ATP13A4: variants seen among roughly 807,000 people sequenced by gnomAD.
ATP13A4 encodes the protein probable cation-transporting ATPase 13A4.
In ATP13A4, 114 loss-of-function variants were observed where a neutral mutation model predicts 142.5. That is an observed-to-expected ratio of 0.80 (90% CI 0.69 to 0.93). The LOEUF is 0.93. Among genes scored for constraint, ATP13A4 ranks in the 40% least tolerant of loss-of-function variants. The pLI, the probability that ATP13A4 is intolerant of heterozygous loss-of-function variation, is 0.00. For missense variants in ATP13A4, 1,392 were observed against 1,454.0 expected (o/e 0.96, Z 0.69); for synonymous variants, 488 against 514.8 (o/e 0.95, Z 0.70).
At chr3:193,544,063 G>A (rs1373887070) in intron 1 of ATP13A4, among the ~76,000 whole-genome samples, 3 of 152,144 alleles carry the variant, frequency 2.0e-5, no homozygotes, top group African/African-American at 7.2e-5. Context: ...TGGCAGCATA[G>A]GTCTGAAGGA....
chr3:193,497,912 G>A (rs1173770086), intron 3 of ATP13A4, among the ~76,000 whole-genome samples: 1 of 152,138 alleles, frequency 6.6e-6, no homozygotes, highest in Non-Finnish European at 1.5e-5. Context: ...CCGAGGTTGG[G>A]GGGAATAGCA....
At chr3:193,459,735 G>C (rs569252585) in intron 13 of ATP13A4, among the ~76,000 whole-genome samples, 1 of 152,138 alleles carries the variant, frequency 6.6e-6, no homozygotes, top group Non-Finnish European at 1.5e-5. Flanking sequence ...CACTGTGCCC[G>C]GCTAAAAACA....
At chr3:193,529,335 A>C (rs546387561) in intron 1 of ATP13A4, among the ~76,000 whole-genome samples, 4 of 152,140 alleles carry the variant, frequency 2.6e-5, no homozygotes, top group South Asian at 4.1e-4. Flanking sequence ...TAGTGTGTTC[A>C]ACTTATAATT....
chr3:193,481,265 C>T (rs765465788), intron 8 of ATP13A4, among the ~76,000 whole-genome samples: 18 of 151,968 alleles, frequency 1.2e-4, no homozygotes, highest in Non-Finnish European at 2.1e-4. Flanking sequence ...AATTTTTAAC[C>T]AGGAAAAAAA....
At chr3:193,591,130 C>T (rs1265957805) in intron 1 of ATP13A4, among the ~76,000 whole-genome samples, 1 of 152,228 alleles carries the variant, frequency 6.6e-6, no homozygotes, top group Admixed American at 6.5e-5. Context: ...GTGGCACAAT[C>T]TCAGCTCACT....
At chr3:193,563,031 T>C (rs1049347269) in intron 2 of ATP13A4, among the ~76,000 whole-genome samples, 8 of 152,196 alleles carry the variant, frequency 5.3e-5, no homozygotes, top group African/African-American at 1.9e-4. Context: ...TACGGTATTG[T>C]TGGAAGAACA....
At chr3:193,585,050 G>A (rs1020216260) in intron 1 of ATP13A4, among the ~76,000 whole-genome samples, 15 of 152,164 alleles carry the variant, frequency 9.9e-5, no homozygotes, top group African/African-American at 3.6e-4. Flanking sequence ...CAGCCTGCAG[G>A]CTGCATGCGG....
intron 8 of ATP13A4, among the ~76,000 whole-genome samples, chr3:193,474,651 GAAAGAAAGAAAGAAAGAA>G (rs1401946100): frequency 2.4e-5 from 3 of 125,110 alleles, no homozygotes; most frequent in African/African-American, 9.1e-5. Context: ...AAGAAAGGAA[GAAAGAAAGAAAGAAAGAA>G]AAAGAAAGAA....
chr3:193,502,466 A>G, intron 3 of ATP13A4, 27 bp downstream of exon 3: 1 of 1,610,030 alleles, frequency 6.2e-7, no homozygotes, highest in Non-Finnish European at 8.5e-7. Context: ...TCTCTCTGAC[A>G]TCAGCAGTAG....
intron 23 of ATP13A4, among the ~76,000 whole-genome samples, chr3:193,437,364 C>G (rs1716347802): frequency 1.3e-5 from 2 of 152,180 alleles, no homozygotes; most frequent in Non-Finnish European, 2.9e-5. Flanking sequence ...AGGTATCATC[C>G]TTATCTCCCT....
chr3:193,429,765 T>C (rs1249158676), intron 25 of ATP13A4, among the ~76,000 whole-genome samples: 2 of 151,622 alleles, frequency 1.3e-5, no homozygotes, highest in African/African-American at 4.8e-5. Context: ...AAAATAAAAA[T>C]GACAAATTTT....
chr3:193,561,102 G>A (rs1489827284), intron 2 of ATP13A4, among the ~76,000 whole-genome samples: 2 of 152,238 alleles, frequency 1.3e-5, no homozygotes, highest in Non-Finnish European at 2.9e-5. Flanking sequence ...CTGCCAGGCA[G>A]GAACTTAGGA....
chr3:193,437,103 CAAA>C (rs1190025956), intron 23 of ATP13A4, among the ~76,000 whole-genome samples: 2 of 62,816 alleles, frequency 3.2e-5, no homozygotes. Flanking sequence ...GACTCCGTCT[CAAA>C]AAAAAAAAAA....
intron 3 of ATP13A4, among the ~76,000 whole-genome samples, chr3:193,496,824 AAATAAATAAATAAAT>A (rs1482098591): frequency 1.1e-3 from 170 of 151,282 alleles, no homozygotes; most frequent in African/African-American, 3.9e-3. Flanking sequence ...ATAAATAAAT[AAATAAATAAATAAAT>A]AAAACTGAGA....
chr3:193,428,292 C>G (rs1715779873), intron 25 of ATP13A4, among the ~76,000 whole-genome samples: 1 of 151,286 alleles, frequency 6.6e-6, no homozygotes, highest in African/African-American at 2.5e-5. Flanking sequence ...CAGGAAACAA[C>G]AGGTGTTGGA....
intron 21 of ATP13A4, 82 bp from the exon 22 acceptor site, chr3:193,439,147 A>G: frequency 1.5e-6 from 2 of 1,371,306 alleles, no homozygotes; most frequent in Non-Finnish European, 1.0e-6. Flanking sequence ...AGTAACCATC[A>G]TTACTTAGGG....
chr3:193,437,090 T>G (rs7428896), intron 23 of ATP13A4, among the ~76,000 whole-genome samples: 1 of 133,658 alleles, frequency 7.5e-6, no homozygotes, highest in Admixed American at 7.5e-5. Context: ...GGCGACAGAG[T>G]GAGACTCCGT....
upstream of ATP13A4, among the ~76,000 whole-genome samples, chr3:193,559,248 C>T (rs1723964732): frequency 6.6e-6 from 1 of 152,124 alleles, no homozygotes; most frequent in Non-Finnish European, 1.5e-5. Flanking sequence ...GCTGTAGGAA[C>T]TGAGTCATAA....
At chr3:193,548,109 G>A (rs1037210643) in intron 1 of ATP13A4, among the ~76,000 whole-genome samples, 1 of 152,256 alleles carries the variant, frequency 6.6e-6, no homozygotes, top group South Asian at 2.1e-4. Context: ...TGTTATTCTT[G>A]GGGGAGAGGA....
Sources: allele counts gnomAD v4.1 joint callset (sites outside exome capture counted in the v4.1 genomes callset), GRCh38; gene constraint gnomAD v4.1.1; transcripts MANE v1.5; gene names NCBI Gene and HGNC (gene_info 2026-07-23, HGNC 2026-07-21).